XAF1: variants seen among roughly 807,000 people sequenced by gnomAD.
XAF1 encodes XIAP-associated factor 1.
Under a neutral mutation model 32.3 loss-of-function variants are expected in XAF1, and 32 were observed. The observed-to-expected ratio is 0.99, with a 90% CI of 0.75 to 1.33. XAF1 has a LOEUF of 1.33. Ranked by LOEUF, XAF1 falls within the 40% of genes most tolerant of loss-of-function variation. The pLI is 0.00. For missense variants in XAF1, 379 were observed against 366.0 expected, an observed-to-expected ratio of 1.04 and a Z score of -0.29; for synonymous variants, 120 against 125.9, an observed-to-expected ratio of 0.95 and a Z score of 0.31.
rs138797931 is a variant in XAF1 at position 6,766,314 on chromosome 17, G to A, written c.507+4074G>A. The stretch of plus-strand genomic sequence containing the variant: ...ATGGCCCTTGTTAATTGTCTCCCAC[G>A]ACCTCAGAAAAACTATAAGCCCCAC... On this transcript the variant is annotated intron_variant, in intron 5 of 6. Transcript: ENST00000361842. Among the ~76,000 whole-genome samples, 391 of 151,924 alleles carry A rather than the reference G, an allele frequency of 2.6e-3. 3 individuals carry two copies. The highest frequency in any genetic ancestry group is 8.8e-3 in the African/African-American group (365 of 41,422).
intron 1 of XAF1, among the ~76,000 whole-genome samples, chr17:6,757,726 A>G (rs904371851): frequency 2.1e-5 from 3 of 143,954 alleles, no homozygotes; most frequent in Non-Finnish European, 4.6e-5. Context: ...AAGGGTAGCA[A>G]TTGATAAGTT....
Position 6,770,946 on chromosome 17 carries a change from G to T in XAF1, c.811G>T (p.Gly271Cys). The T allele has an allele frequency of 1.9e-6, 3 of 1,614,004 alleles. No homozygotes were observed. The highest frequency in any genetic ancestry group is 2.5e-6 in the Non-Finnish European group (3 of 1,179,996). Residue 271 changes from glycine to cysteine, a missense_variant, in exon 6 of 7, where the codon GGC (glycine) becomes TGC (cysteine). Transcript: ENST00000361842. ...CATTCTGAGGAGATGTTCTCAGTGT[G>T]GCATCCTGCTTCCCCTGCCGATCCT... ...YDILRRCSQC[G>C]ILLPLPILNQ...
intron 4 of XAF1, 150 bp downstream of exon 4, chr17:6,760,751 C>A: frequency 2.2e-6 from 2 of 907,980 alleles, no homozygotes; most frequent in Non-Finnish European, 3.3e-6. Context: ...TAATTCTAAA[C>A]CATGCCTCAG....
chr17:6,762,355 T>C, intron 5 of XAF1, 115 bp downstream of exon 5: 2 of 863,528 alleles, frequency 2.3e-6, no homozygotes, highest in South Asian at 3.7e-5. Context: ...TATTAAAGGG[T>C]CCCATATTTA....
intron 5 of XAF1, among the ~76,000 whole-genome samples, chr17:6,770,074 C>G (rs1328947644): frequency 2.0e-5 from 3 of 152,210 alleles, no homozygotes; most frequent in African/African-American, 7.2e-5. Flanking sequence ...GACCCTACAT[C>G]TCCCATAAGC....
At chr17:6,772,810 A>G (rs556086471) in intron 6 of XAF1, 1 of 270,042 alleles carries the variant, frequency 3.7e-6, no homozygotes, top group East Asian at 8.2e-5. Flanking sequence ...GCAATACCCA[A>G]GGAAATCCCT....
chr17:6,772,387 C>T (rs546923285), intron 6 of XAF1, among the ~76,000 whole-genome samples: 19 of 151,750 alleles, frequency 1.3e-4, no homozygotes, highest in Admixed American at 9.2e-4. Context: ...TATATAACCA[C>T]CATACAAACA....
intron 4 of XAF1, 177 bp from the exon 5 acceptor site, chr17:6,761,978 T>C (rs780641676): frequency 2.0e-6 from 3 of 1,531,998 alleles, no homozygotes; most frequent in South Asian, 2.4e-5. Context: ...ATGTGGGTGA[T>C]TCGGCCAAGA....
rs368424129 is a variant in XAF1, at chr17:6,756,153, G to C, written c.32+43G>C. On this transcript the variant is annotated intron_variant, in intron 1 of 6. Transcript: ENST00000361842. The stretch of plus-strand genomic sequence containing the variant: ...CCAGCGGCAGACCCGGGCTGGCGAG[G>C]GAGAGACGTAGACGACATAGGGCTG... 811 of 1,613,834 alleles carry C rather than the reference G, an allele frequency of 5.0e-4. 2 individuals carry two copies. The highest frequency in any genetic ancestry group is 6.3e-4 in the Admixed American group (38 of 60,012).
Position 6,774,243 on chromosome 17 carries a change from G to A in XAF1, c.*1074G>A, listed in dbSNP as rs1168655176. 1 of 152,160 alleles carries A rather than the reference G, an allele frequency of 6.6e-6. No individual in the cohort carries two copies. Among genetic ancestry groups the A allele is most frequent in the African/African-American group, 2.4e-5 (1 of 41,440 alleles). 9.4% of individuals were successfully genotyped at this position (152,160 alleles called of 1,614,324 possible). The stretch of plus-strand genomic sequence containing the variant: ...ACACATAGATCAATGGAACAGAATA[G>A]AGGGCCCAGAAATAAAGCTACACAC... On this transcript the variant is annotated 3_prime_UTR_variant, in exon 7 of 7. Coordinates refer to ENST00000361842, the MANE Select transcript of XAF1 (RefSeq NM_017523.5).
rs113866218 is a variant in XAF1, at chr17:6,770,514, T to A, written c.508-129T>A. 3 of 745,854 alleles carry A rather than the reference T, an allele frequency of 4.0e-6. No individual in the cohort carries two copies. The African/African-American group carries it at 5.5e-5, about 14-fold the overall frequency. The allele number at this position is 745,854 out of a possible 1,614,324, so 46.2% of individuals were successfully genotyped here. On this transcript the variant is annotated intron_variant, in intron 5 of 6. Coordinates refer to ENST00000361842, the MANE Select transcript of XAF1 (RefSeq NM_017523.5). ...GCAAAGCCAGCTATTAAATTGAATGTCTGTCACATTTTATACACCATATAA... is the reference window on the plus strand; with the variant it reads ...GCAAAGCCAGCTATTAAATTGAATGACTGTCACATTTTATACACCATATAA...
chr17:6,772,433 CT>C (rs1256555389), intron 6 of XAF1, among the ~76,000 whole-genome samples: 299 of 116,048 alleles, frequency 2.6e-3, no homozygotes, highest in Admixed American at 3.6e-3. Flanking sequence ...CATTTTTTCA[CT>C]TTTTTTTTTT....
At chr17:6,758,026 A>T (rs886457745) in intron 1 of XAF1, 63 bp from the exon 2 acceptor site, 2 of 1,607,868 alleles carry the variant, frequency 1.2e-6, no homozygotes, top group Non-Finnish European at 1.7e-6. Flanking sequence ...TATGAAATAC[A>T]GCTCCATGTT....
intron 5 of XAF1, among the ~76,000 whole-genome samples, chr17:6,768,146 A>T (rs1975755084): frequency 6.7e-6 from 1 of 150,318 alleles, no homozygotes; most frequent in African/African-American, 2.5e-5. Context: ...TTTTTGAGAC[A>T]AAAGTCTCAC....
In XAF1 at chr17:6,770,932, G is replaced by A; in HGVS notation, c.797G>A (p.Arg266Lys). ...GDKAAYDILR[R>K]CSQCGILLPL... ...AAAGCAGCCTATGACATTCTGAGGA[G>A]ATGTTCTCAGTGTGGCATCCTGCTT... The change falls in exon 6 of 7, where the codon AGA becomes AAA. Residue 266 changes from arginine to lysine, a missense_variant. Transcript: ENST00000361842. The A allele has an allele frequency of 6.2e-7, 1 of 1,614,136 alleles. No homozygotes were observed. Among genetic ancestry groups the A allele is most frequent in the Non-Finnish European group, 8.5e-7 (1 of 1,180,022 alleles).
rs773395830 is a variant in XAF1 at position 6,770,711 on chromosome 17, A to T, written c.576A>T (p.Ser192=). Residue 192 remains serine (S), a synonymous_variant, in exon 6 of 7, where the codon TCA becomes TCT. Transcript: ENST00000361842. The stretch of plus-strand genomic sequence containing the variant: ...TTGGAAATCCAGAAATTCTTCCTTC[A>T]TCTCTTCCAAGTCAAGCTGCTGAAA... ...FPVGNPEILP[S]SLPSQAAENQ... 1.9e-6 allele frequency: 3 copies of T among 1,612,676 alleles called. No homozygotes were observed. The highest frequency in any genetic ancestry group is 1.7e-5 in the Admixed American group (1 of 59,674).
At chr17:6,757,040 T>C (rs1974737523) in intron 1 of XAF1, among the ~76,000 whole-genome samples, 1 of 151,558 alleles carries the variant, frequency 6.6e-6, no homozygotes, top group South Asian at 2.1e-4. Context: ...TTGCCCAGGC[T>C]GGAGTGCCTG....
rs1052222762 is a variant in XAF1, at chr17:6,774,513, G to C, written c.*1344G>C. 6.6e-6 allele frequency: 1 copy of C among 152,134 alleles called. No individual in the cohort carries two copies. Among genetic ancestry groups the C allele is most frequent in the Admixed American group, 6.5e-5 (1 of 15,270 alleles). 9.4% of individuals were successfully genotyped at this position (152,134 alleles called of 1,614,324 possible). A position where few individuals can be genotyped will look rare whatever the true frequency, so the allele number is the denominator to read the frequency against. Reference sequence around the variant, plus strand: ...CATTCTGGACATAGGAACGGAAAAAGATTTCATGACAAAGATCCCAAAAAT... The same window carrying C: ...CATTCTGGACATAGGAACGGAAAAACATTTCATGACAAAGATCCCAAAAAT... On this transcript the variant is annotated 3_prime_UTR_variant, in exon 7 of 7. Coordinates refer to ENST00000361842, the MANE Select transcript of XAF1 (RefSeq NM_017523.5).
At chr17:6,762,058 G>A (rs542727305) in intron 4 of XAF1, 97 bp from the exon 5 acceptor site, 16 of 1,589,934 alleles carry the variant, frequency 1.0e-5, no homozygotes, top group Admixed American at 1.8e-5. Context: ...GGGGCAGTTC[G>A]TGCTCATGAG....
Sources: allele counts gnomAD v4.1 joint callset (sites outside exome capture counted in the v4.1 genomes callset), GRCh38; gene constraint gnomAD v4.1.1; transcripts MANE v1.5; gene names NCBI Gene and HGNC (gene_info 2026-07-23, HGNC 2026-07-21).